HERC6: variants seen among roughly 807,000 people sequenced by gnomAD.
HERC6 encodes HECT and RLD domain containing E3 ubiquitin protein ligase family member 6, also known as probable E3 ubiquitin-protein ligase HERC6.
HERC6 carries 101 observed loss-of-function variants against 114.5 expected under a neutral mutation model. The ratio of observed to expected loss-of-function variants is 0.88; its 90% CI spans 0.75 to 1.04. The LOEUF (loss-of-function observed/expected upper bound fraction) is 1.04. HERC6 is among the 50% of genes least tolerant of loss of function. The pLI, the probability that HERC6 is intolerant of heterozygous loss-of-function variation, is 0.00. For synonymous variants in HERC6, 408 were observed against 436.2 expected, an observed-to-expected ratio of 0.94 and a Z score of 0.81; for missense variants, 1,133 against 1,230.9, an observed-to-expected ratio of 0.92 and a Z score of 1.19.
In HERC6 at chr4:88,442,356, C is replaced by T; in HGVS notation, c.2965C>T (p.Leu989Phe). 1 of 1,613,680 alleles carries T rather than the reference C, an allele frequency of 6.2e-7. No homozygotes were observed. The highest frequency in any genetic ancestry group is 8.5e-7 in the Non-Finnish European group (1 of 1,179,724). ...AACATCAATAACTTGTCATAATATT[C>T]TCTCCCTCCCTAAGTATTCTACAAT... ...HPTSITCHNI[L>F]SLPKYSTMER... The change falls in exon 23 of 23, where the codon CTC becomes TTC. Residue 989 changes from leucine to phenylalanine, a missense_variant. Coordinates refer to ENST00000264346, the MANE Select transcript of HERC6 (RefSeq NM_017912.4).
At chr4:88,399,823 C>T (rs995091429) in intron 8 of HERC6, 1 of 151,522 alleles carries the variant, frequency 6.6e-6, no homozygotes, top group Non-Finnish European at 1.5e-5. Context: ...GAAGAAAACA[C>T]ATTGATTGTT....
chr4:88,379,166 G>A (rs1349533319), intron 1 of HERC6, 46 bp downstream of exon 1: 9 of 1,416,112 alleles, frequency 6.4e-6, no homozygotes, highest in Non-Finnish European at 8.5e-6. Context: ...CCCAGTACAT[G>A]GGCGCGGGGG....
At chr4:88,383,486 C>T in intron 2 of HERC6, 106 bp downstream of exon 2, 4 of 889,122 alleles carry the variant, frequency 4.5e-6, no homozygotes, top group Non-Finnish European at 6.3e-6. Context: ...AGGCCAGCTG[C>T]AGTGGTTCAT....
chr4:88,379,059 G>A lies in HERC6; in HGVS notation c.138G>A (p.Ser46=), dbSNP rs752650089. ...LLLLTNHRVL[S]CGDNSRGQLG... ...TGCTGACCAACCACAGGGTCCTCTC[G>A]TGCGGAGACAACAGCAGGGGTCAGC... is the stretch of plus-strand genomic sequence containing the variant. Residue 46 remains serine (S), a synonymous_variant, in exon 1 of 23, where the codon TCG becomes TCA. Coordinates refer to ENST00000264346, the MANE Select transcript of HERC6 (RefSeq NM_017912.4). 1.9e-6 allele frequency: 3 copies of A among 1,556,100 alleles called. No homozygotes were observed. Among genetic ancestry groups the A allele is most frequent in the South Asian group, 2.4e-5 (2 of 84,618 alleles).
Position 88,396,926 on chromosome 4 carries a change from G to C in HERC6, c.963G>C (p.Lys321Asn). The change falls in exon 7 of 23, where the codon AAG becomes AAC. Residue 321 changes from lysine (K) to asparagine (N), a missense_variant. This residue lies in a region of HERC6 where 735 missense variants were observed against 754.0 expected (regional missense o/e 0.97). Transcript: ENST00000264346. Reference sequence around the variant, plus strand: ...GTCATGGACCAAGTGACACAAGCAAGCCAACTCATCCGGAGGCCCTGACAG... The same window carrying C: ...GTCATGGACCAAGTGACACAAGCAACCCAACTCATCCGGAGGCCCTGACAG... ...SFGHGPSDTSKPTHPEALTEN... is the reference protein window; with the variant it reads ...SFGHGPSDTSNPTHPEALTEN... 1 of 1,611,666 alleles carries C rather than the reference G, an allele frequency of 6.2e-7. No homozygotes were observed.
At chr4:88,437,025 A>T in intron 19 of HERC6, 54 bp downstream of exon 19, 1 of 1,297,818 alleles carries the variant, frequency 7.7e-7, no homozygotes, top group Non-Finnish European at 1.1e-6. Flanking sequence ...TTTCTAAAAA[A>T]TAATTTTTAT....
intron 15 of HERC6, among the ~76,000 whole-genome samples, chr4:88,428,220 G>A (rs1044494292): frequency 1.3e-5 from 2 of 152,198 alleles, no homozygotes; most frequent in African/African-American, 4.8e-5. Flanking sequence ...AATGCTCTGT[G>A]TCTTAAGACT....
At chr4:88,436,481 A>C (rs1312633355) in intron 18 of HERC6, among the ~76,000 whole-genome samples, 1 of 152,142 alleles carries the variant, frequency 6.6e-6, no homozygotes, top group Non-Finnish European at 1.5e-5. Context: ...TGGCCTGTTT[A>C]ATTCTTTGTT....
At chr4:88,393,304 TA>T (rs146887887) in intron 4 of HERC6, among the ~76,000 whole-genome samples, 183 bp from the exon 5 acceptor site, 10,928 of 145,596 alleles carry the variant, frequency 0.075, 831 homozygotes, top group African/African-American at 0.2. Context: ...ACCCCTTACA[TA>T]AAAAAAAAAG....
Position 88,431,082 on chromosome 4 carries a change from C to T in HERC6, c.2107-80C>T, listed in dbSNP as rs544238666. On this transcript the variant is annotated intron_variant, in intron 16 of 22. Transcript: ENST00000264346. ...TAATTCTAGAGACTGCAAGAATGGT[C>T]GTTAGAGGTTTAAAACTTCCATAAA... 208 of 1,233,962 alleles carry T rather than the reference C, an allele frequency of 1.7e-4. 1 individual carries two copies. Among genetic ancestry groups the T allele is most frequent in the Middle Eastern group, 1.5e-3 (7 of 4,700 alleles). The allele number at this position is 1,233,962 out of a possible 1,614,324, so 76.4% of individuals were successfully genotyped here. A position where few individuals can be genotyped will look rare whatever the true frequency, so the allele number is the denominator to read the frequency against.
In HERC6 at chr4:88,396,880, C is replaced by T. The variant is rs1331988925; in HGVS notation, c.917C>T (p.Thr306Ile). The T allele has an allele frequency of 6.2e-6, 10 of 1,603,482 alleles. No homozygotes were observed. Among genetic ancestry groups the T allele is most frequent in the Non-Finnish European group, 8.5e-6 (10 of 1,173,604 alleles). The stretch of plus-strand genomic sequence containing the variant: ...CACACCCTGGCATATGTGCACACCA[C>T]TGGTCAGGTGGTATCTTTTGGTCAT... ...SYHTLAYVHT[T>I]GQVVSFGHGP... Residue 306 changes from threonine to isoleucine, a missense_variant, in exon 7 of 23, where the codon ACT becomes ATT. By Grantham distance (89) the Thr-to-Ile change is moderately conservative (BLOSUM62 -1). Coordinates refer to ENST00000264346, the MANE Select transcript of HERC6 (RefSeq NM_017912.4).
chr4:88,385,402 C>T, intron 2 of HERC6, 97 bp from the exon 3 acceptor site: 1 of 653,478 alleles, frequency 1.5e-6, no homozygotes, highest in Non-Finnish European at 2.7e-6. Flanking sequence ...TTTTCCTGGA[C>T]CAGATGTATT....
At chr4:88,394,611 C>G (rs796711269) in intron 5 of HERC6, among the ~76,000 whole-genome samples, 11 of 151,038 alleles carry the variant, frequency 7.3e-5, no homozygotes, top group African/African-American at 2.7e-4. Flanking sequence ...GTGGTGCAAT[C>G]TCGGCTCACT....
intron 20 of HERC6, among the ~76,000 whole-genome samples, chr4:88,438,987 A>G (rs953184425): frequency 2.0e-5 from 3 of 152,240 alleles, no homozygotes; most frequent in Non-Finnish European, 4.4e-5. Context: ...ATCATTTAGT[A>G]GAAATTACAT....
intron 8 of HERC6, among the ~76,000 whole-genome samples, chr4:88,403,391 AC>A (rs1476055259): frequency 6.6e-6 from 1 of 152,244 alleles, no homozygotes; most frequent in Non-Finnish European, 1.5e-5. Context: ...ATTAAAGGGA[AC>A]AAGAAAACTA....
At chr4:88,386,106 A>G (rs1172251084) in intron 3 of HERC6, among the ~76,000 whole-genome samples, 1 of 151,950 alleles carries the variant, frequency 6.6e-6, no homozygotes, top group Non-Finnish European at 1.5e-5. Flanking sequence ...TTTTTCCTCT[A>G]CCCTCTTATG....
intron 1 of HERC6, among the ~76,000 whole-genome samples, chr4:88,379,442 A>T (rs904811978): frequency 6.6e-6 from 1 of 151,408 alleles, no homozygotes; most frequent in South Asian, 2.1e-4. Context: ...TCAAAGCGAA[A>T]CTGAGAGCCG....
At chr4:88,411,156 A>G (rs1050108627) in intron 11 of HERC6, among the ~76,000 whole-genome samples, 2 of 152,210 alleles carry the variant, frequency 1.3e-5, no homozygotes, top group Middle Eastern at 3.2e-3. Context: ...TGAAGTGATA[A>G]TAGCAAATAT....
chr4:88,430,890 T>C (rs1738130278), intron 16 of HERC6, among the ~76,000 whole-genome samples: 1 of 152,176 alleles, frequency 6.6e-6, no homozygotes, highest in South Asian at 2.1e-4. Flanking sequence ...CTGGTCAATG[T>C]AACTGGTGAA....
Sources: allele counts gnomAD v4.1 joint callset (sites outside exome capture counted in the v4.1 genomes callset), GRCh38; gene constraint gnomAD v4.1.1; regional missense constraint gnomAD v4.1.1; transcripts MANE v1.5; gene names NCBI Gene and HGNC (gene_info 2026-07-23, HGNC 2026-07-21).